COL26A1: variants seen among roughly 807,000 people sequenced by gnomAD.
The protein encoded by COL26A1 is collagen type XXVI alpha 1 chain, also known as collagen alpha-1(XXVI) chain.
A neutral mutation model predicts 59.3 loss-of-function variants in COL26A1; 41 were observed. That is an observed-to-expected ratio of 0.69 (90% CI 0.54 to 0.90). The LOEUF is 0.90. COL26A1 is among the 40% of genes least tolerant of loss of function. The pLI is 0.00. For missense variants in COL26A1, 612 were observed against 602.3 expected (o/e 1.02, Z -0.17); for synonymous variants, 266 against 256.0 (o/e 1.04, Z -0.37).
At chr7:101,399,363 CTTCTT>C (rs938135627) in intron 1 of COL26A1, among the ~76,000 whole-genome samples, 5 of 152,062 alleles carry the variant, frequency 3.3e-5, no homozygotes, top group Non-Finnish European at 7.4e-5. Flanking sequence ...TTGTCTCTCT[CTTCTT>C]TCTTTCTTTC....
intron 3 of COL26A1, among the ~76,000 whole-genome samples, chr7:101,516,831 T>C (rs1795038257): frequency 6.6e-6 from 1 of 152,196 alleles, no homozygotes; most frequent in African/African-American, 2.4e-5. Flanking sequence ...GCCGTCATGT[T>C]GTTCGAAGGC....
chr7:101,522,879 T>C (rs1401528005), intron 3 of COL26A1, among the ~76,000 whole-genome samples: 1 of 152,120 alleles, frequency 6.6e-6, no homozygotes, highest in Non-Finnish European at 1.5e-5. Context: ...CTAGTGGCTA[T>C]GTGGGAGTAT....
intron 2 of COL26A1, among the ~76,000 whole-genome samples, chr7:101,424,617 A>G (rs1472581100): frequency 1.3e-5 from 2 of 152,140 alleles, no homozygotes; most frequent in African/African-American, 4.8e-5. Flanking sequence ...TTAATAATTT[A>G]TTAGGGAAGG....
At chr7:101,416,088 T>C (rs1792365190) in intron 1 of COL26A1, among the ~76,000 whole-genome samples, 1 of 143,566 alleles carries the variant, frequency 7.0e-6, no homozygotes, top group Non-Finnish European at 1.6e-5. Flanking sequence ...TTTCTTGTTC[T>C]TCATGTCTAT....
chr7:101,475,751 CCTTT>C (rs1170154544), intron 3 of COL26A1, among the ~76,000 whole-genome samples: 3 of 149,444 alleles, frequency 2.0e-5, no homozygotes, highest in African/African-American at 7.5e-5. Context: ...TTCCTTCCTT[CCTTT>C]TTCTTTCTTT....
At chr7:101,457,324 A>G (rs1030395594) in intron 3 of COL26A1, among the ~76,000 whole-genome samples, 9 of 152,188 alleles carry the variant, frequency 5.9e-5, no homozygotes, top group South Asian at 2.1e-4. Context: ...GGAAGTCATC[A>G]ATGTTATGAC....
intron 1 of COL26A1, among the ~76,000 whole-genome samples, chr7:101,367,344 C>T (rs563901732): frequency 6.6e-6 from 1 of 152,130 alleles, no homozygotes; most frequent in East Asian, 1.9e-4. Flanking sequence ...GGGCTGTGCC[C>T]CATTATTTGA....
intron 3 of COL26A1, among the ~76,000 whole-genome samples, chr7:101,515,821 T>A (rs1183472818): frequency 6.6e-6 from 1 of 152,106 alleles, no homozygotes; most frequent in African/African-American, 2.4e-5. Flanking sequence ...ACTTCTGGCC[T>A]CCAGTGATCT....
At chr7:101,509,539 T>G (rs1045184548) in intron 3 of COL26A1, among the ~76,000 whole-genome samples, 1 of 152,182 alleles carries the variant, frequency 6.6e-6, no homozygotes, top group African/African-American at 2.4e-5. Context: ...CTAAGGCTGG[T>G]AAACTCACTA....
intron 3 of COL26A1, among the ~76,000 whole-genome samples, chr7:101,475,610 G>T (rs1794012616): frequency 6.6e-6 from 1 of 151,936 alleles, no homozygotes. Flanking sequence ...GCGAGTGTGT[G>T]TGTTCGATGT....
intron 8 of COL26A1, among the ~76,000 whole-genome samples, chr7:101,547,813 G>GTTTATTCA (rs111558862): frequency 2.0e-5 from 3 of 149,970 alleles, no homozygotes; most frequent in African/African-American, 7.5e-5. Flanking sequence ...TCATTCATTC[G>GTTTATTCA]TTCATTCATT....
intron 3 of COL26A1, among the ~76,000 whole-genome samples, chr7:101,473,228 C>T (rs902591658): frequency 9.9e-5 from 15 of 151,970 alleles, no homozygotes; most frequent in African/African-American, 2.2e-4. Context: ...TACAGGCGCC[C>T]GCCACCACGC....
intron 1 of COL26A1, among the ~76,000 whole-genome samples, chr7:101,374,381 C>A (rs1791261158): frequency 6.6e-6 from 1 of 152,198 alleles, no homozygotes; most frequent in Non-Finnish European, 1.5e-5. Flanking sequence ...ACCCTGAGGT[C>A]ACAGACAAGT....
At chr7:101,514,305 T>C (rs1794985098) in intron 3 of COL26A1, among the ~76,000 whole-genome samples, 1 of 151,734 alleles carries the variant, frequency 6.6e-6, no homozygotes. Flanking sequence ...GCCACTGCAC[T>C]CCAGCCTGGG....
intron 2 of COL26A1, among the ~76,000 whole-genome samples, chr7:101,433,872 C>T (rs1303477065): frequency 6.6e-6 from 1 of 152,122 alleles, no homozygotes; most frequent in East Asian, 1.9e-4. Flanking sequence ...GATGCTCTGT[C>T]CTCATCTCAT....
chr7:101,438,570 CAG>C (rs1174822639), intron 2 of COL26A1, among the ~76,000 whole-genome samples: 1 of 151,562 alleles, frequency 6.6e-6, no homozygotes, highest in East Asian at 1.9e-4. Context: ...CTGGTGGACT[CAG>C]TGTTTTCATC....
At chr7:101,387,768 A>ATTTTTTTTTTTTTTT (rs1194001209) in intron 1 of COL26A1, among the ~76,000 whole-genome samples, 7 of 36,478 alleles carry the variant, frequency 1.9e-4, no homozygotes, top group Admixed American at 4.8e-4. Context: ...ATATATATAT[A>ATTTTTTTTTTTTTTT]TATATATATA....
intron 1 of COL26A1, among the ~76,000 whole-genome samples, chr7:101,367,589 C>G (rs10953338): frequency 0.58 from 87,414 of 150,530 alleles, 26,898 homozygotes; most frequent in African/African-American, 0.8. Context: ...CGCTTAAGCC[C>G]GGGAGGCGGA....
chr7:101,441,377 T>A (rs1444446018), intron 2 of COL26A1, among the ~76,000 whole-genome samples: 1 of 152,180 alleles, frequency 6.6e-6, no homozygotes, highest in East Asian at 1.9e-4. Flanking sequence ...AGTGGTGCAA[T>A]CTCAGCTCAC....
Sources: allele counts gnomAD v4.1 joint callset (sites outside exome capture counted in the v4.1 genomes callset), GRCh38; gene constraint gnomAD v4.1.1; transcripts MANE v1.5; gene names NCBI Gene and HGNC (gene_info 2026-07-23, HGNC 2026-07-21).